MARK3: variants seen among roughly 807,000 people sequenced by gnomAD.
MARK3 encodes microtubule affinity regulating kinase 3.
Under a neutral mutation model 90.1 loss-of-function variants are expected in MARK3, and 46 were observed. The ratio of observed to expected loss-of-function variants is 0.51; its 90% CI spans 0.40 to 0.65. MARK3 has a LOEUF of 0.65. MARK3 is among the 30% of genes least tolerant of loss of function. The pLI is 0.00. For missense variants in MARK3, 818 were observed against 947.2 expected (o/e 0.86, Z 1.79); for synonymous variants, 321 against 332.6 (o/e 0.97, Z 0.38).
chr14:103,473,298 TAAA>T (rs1214653478), intron 12 of MARK3, among the ~76,000 whole-genome samples: 2 of 152,130 alleles, frequency 1.3e-5, no homozygotes, highest in Non-Finnish European at 2.9e-5. Flanking sequence ...GAACATGTAA[TAAA>T]AGAGTATAGA....
rs994899317 is a variant in MARK3, at chr14:103,433,012, A to T, written c.297+4572A>T. Among the ~76,000 whole-genome samples the T allele has an allele frequency of 6.6e-5, 10 of 151,168 alleles. No individual in the cohort carries two copies. In the East Asian group the frequency reaches 1.7e-3, roughly 26 times the overall value. ...TTAATGTCAGGTTACTTCACACTAC[A>T]TTTTTTTCTGTAAGGATTAAAGCAG... On this transcript the variant is annotated intron_variant, in intron 3 of 17. Transcript: ENST00000429436.
intron 14 of MARK3, among the ~76,000 whole-genome samples, chr14:103,484,883 T>C (rs1271301206): frequency 2.0e-5 from 3 of 151,258 alleles, no homozygotes; most frequent in Non-Finnish European, 4.4e-5. Context: ...ATAGCGCCAC[T>C]GCACTCCAGC....
intron 9 of MARK3, 112 bp downstream of exon 9, chr14:103,466,203 G>T (rs538146450): frequency 2.9e-6 from 4 of 1,391,362 alleles, no homozygotes; most frequent in South Asian, 2.7e-5. Flanking sequence ...TTTTAAGCAA[G>T]AATTGAAACA....
At chr14:103,457,039 A>G (rs969343771) in intron 5 of MARK3, 103 bp from the exon 6 acceptor site, 43 of 644,430 alleles carry the variant, frequency 6.7e-5, no homozygotes, top group Non-Finnish European at 1.1e-4. Flanking sequence ...CTTTATATCT[A>G]TATTTAAAAA....
intron 3 of MARK3, among the ~76,000 whole-genome samples, chr14:103,444,086 CT>C (rs10676381): frequency 0.013 from 1,529 of 116,350 alleles, 16 homozygotes; most frequent in East Asian, 0.019. Flanking sequence ...GTAAAATTGT[CT>C]TTTTTTTTTT....
intron 2 of MARK3, among the ~76,000 whole-genome samples, chr14:103,406,084 A>G (rs2091276114): frequency 1.3e-5 from 2 of 151,362 alleles, no homozygotes; most frequent in South Asian, 2.1e-4. Flanking sequence ...TTGTAGAGAC[A>G]GGGTTCTCAC....
Position 103,503,444 on chromosome 14 carries a change from C to A in MARK3, c.*217C>A. Reference sequence around the variant, plus strand: ...ACCTATGCGCCCCCTGCCCTACTTCCGTTACCCTGAGAGTCGGTGTGTGGC... The same window carrying A: ...ACCTATGCGCCCCCTGCCCTACTTCAGTTACCCTGAGAGTCGGTGTGTGGC... On this transcript the variant is annotated 3_prime_UTR_variant, in exon 18 of 18. Transcript: ENST00000429436. 1 of 553,798 alleles carries A rather than the reference C, an allele frequency of 1.8e-6. No individual in the cohort carries two copies. The highest frequency in any genetic ancestry group is 2.3e-5 in the South Asian group (1 of 43,706). 34.3% of individuals were successfully genotyped at this position (553,798 alleles called of 1,614,324 possible). A position where few individuals can be genotyped will look rare whatever the true frequency, so the allele number is the denominator to read the frequency against.
chr14:103,428,939 G>A (rs1172480248), intron 3 of MARK3, among the ~76,000 whole-genome samples: 3 of 152,182 alleles, frequency 2.0e-5, no homozygotes, highest in Non-Finnish European at 2.9e-5. Context: ...GGAAAAGCAT[G>A]TTCATAAAGC....
At chr14:103,425,563 G>A (rs1016321784) in intron 2 of MARK3, among the ~76,000 whole-genome samples, 25 of 152,134 alleles carry the variant, frequency 1.6e-4, no homozygotes, top group African/African-American at 6.0e-4. Context: ...GGACAACTCA[G>A]TATTTATTGA....
intron 2 of MARK3, among the ~76,000 whole-genome samples, chr14:103,410,903 G>A (rs2091590204): frequency 6.6e-6 from 1 of 152,080 alleles, no homozygotes; most frequent in Non-Finnish European, 1.5e-5. Flanking sequence ...AAGTATTTAT[G>A]TGGCAAAATC....
intron 7 of MARK3, among the ~76,000 whole-genome samples, chr14:103,463,449 C>G (rs763672382): frequency 3.3e-5 from 5 of 152,152 alleles, no homozygotes; most frequent in Non-Finnish European, 7.3e-5. Flanking sequence ...CAAAGGGTGT[C>G]TTCATATAAG....
At chr14:103,412,947 T>C (rs2091741986) in intron 2 of MARK3, among the ~76,000 whole-genome samples, 1 of 151,680 alleles carries the variant, frequency 6.6e-6, no homozygotes, top group Non-Finnish European at 1.5e-5. Flanking sequence ...TGATCTCAGC[T>C]CACCACAACC....
intron 13 of MARK3, among the ~76,000 whole-genome samples, chr14:103,475,990 G>A (rs955749011): frequency 6.6e-6 from 1 of 151,020 alleles, no homozygotes; most frequent in Non-Finnish European, 1.5e-5. Flanking sequence ...CGGAGCCCTC[G>A]TGGCCTAAAC....
chr14:103,401,539 G>A (rs745665245), intron 1 of MARK3, among the ~76,000 whole-genome samples: 7 of 152,152 alleles, frequency 4.6e-5, no homozygotes, highest in African/African-American at 1.4e-4. Flanking sequence ...TCTTGTGGCC[G>A]TCCGTTTTAG....
intron 16 of MARK3, 88 bp downstream of exon 16, chr14:103,498,616 T>C (rs2075478955): frequency 5.7e-6 from 7 of 1,225,552 alleles, no homozygotes; most frequent in Non-Finnish European, 7.3e-6. Flanking sequence ...TCTGGCCCTG[T>C]TTTTTCCTTA....
At chr14:103,462,914 G>A (rs2093429256) in intron 7 of MARK3, among the ~76,000 whole-genome samples, 1 of 152,098 alleles carries the variant, frequency 6.6e-6, no homozygotes, top group African/African-American at 2.4e-5. Context: ...GAAACACCAT[G>A]CAGAAACTCT....
chr14:103,462,010 T>C (rs1329321630), intron 6 of MARK3, among the ~76,000 whole-genome samples: 1 of 143,436 alleles, frequency 7.0e-6, no homozygotes, highest in Non-Finnish European at 1.5e-5. Flanking sequence ...CACTCTAGCC[T>C]GGGTGACAGA....
chr14:103,428,491 TGCCATCTAA>T, intron 3 of MARK3, 51 bp downstream of exon 3: 1 of 1,057,940 alleles, frequency 9.5e-7, no homozygotes, highest in Non-Finnish European at 1.4e-6. Context: ...CGGTGCTAAT[TGCCATCTAA>T]TTTGTCCCTT....
At chr14:103,439,314 A>G (rs1054366702) in intron 3 of MARK3, among the ~76,000 whole-genome samples, 2 of 152,222 alleles carry the variant, frequency 1.3e-5, no homozygotes, top group Non-Finnish European at 2.9e-5. Context: ...ATTTTGTGTT[A>G]TTATTTTCTT....
Sources: allele counts gnomAD v4.1 joint callset (sites outside exome capture counted in the v4.1 genomes callset), GRCh38; gene constraint gnomAD v4.1.1; transcripts MANE v1.5; gene names NCBI Gene and HGNC (gene_info 2026-07-23, HGNC 2026-07-21).